The following COL24A1 variants were observed in gnomAD, a reference collection of about 807,000 sequenced individuals.
The protein encoded by COL24A1 is collagen type XXIV alpha 1 chain, also known as collagen alpha-1(XXIV) chain.
COL24A1 carries 224 observed loss-of-function variants against 253.9 expected under a neutral mutation model. That is an observed-to-expected ratio of 0.88 (90% CI 0.79 to 0.99). The LOEUF is 0.99. Ranked by LOEUF, COL24A1 falls within the 50% of genes least tolerant of loss-of-function variation. The pLI, the probability that COL24A1 is intolerant of heterozygous loss-of-function variation, is 0.00. For missense variants in COL24A1, 2,131 were observed against 2,068.5 expected, an observed-to-expected ratio of 1.03 and a Z score of -0.59; for synonymous variants, 685 against 673.7, an observed-to-expected ratio of 1.02 and a Z score of -0.26.
At chr1:86,094,405 T>C (rs1392810223) in intron 5 of COL24A1, among the ~76,000 whole-genome samples, 2 of 151,808 alleles carry the variant, frequency 1.3e-5, no homozygotes, top group Non-Finnish European at 2.9e-5. Flanking sequence ...GAAAACCAAA[T>C]ACCACATATT....
intron 18 of COL24A1, among the ~76,000 whole-genome samples, chr1:86,020,444 A>G (rs1054584217): frequency 1.3e-5 from 2 of 152,164 alleles, no homozygotes; most frequent in Admixed American, 6.5e-5. Flanking sequence ...GTTAAGTGCC[A>G]GAGCTGGGAC....
intron 6 of COL24A1, 122 bp downstream of exon 6, chr1:86,092,145 A>G (rs1049393855): frequency 3.5e-5 from 25 of 705,628 alleles, no homozygotes; most frequent in Non-Finnish European, 5.7e-5. Context: ...TTAAAATCCA[A>G]CAATTAATTC....
chr1:86,016,258 T>C (rs1240749975), intron 19 of COL24A1, among the ~76,000 whole-genome samples: 1 of 152,134 alleles, frequency 6.6e-6, no homozygotes, highest in East Asian at 1.9e-4. Context: ...CAGCCAACCT[T>C]GAAGGACAGC....
intron 32 of COL24A1, among the ~76,000 whole-genome samples, chr1:85,880,251 C>T (rs536576316): frequency 1.3e-5 from 2 of 152,084 alleles, no homozygotes; most frequent in African/African-American, 2.4e-5. Flanking sequence ...ACAACTATTT[C>T]TTTCTCTCTT....
At chr1:86,046,302 T>C (rs1268992105) in intron 12 of COL24A1, among the ~76,000 whole-genome samples, 1 of 152,166 alleles carries the variant, frequency 6.6e-6, no homozygotes, top group Non-Finnish European at 1.5e-5. Context: ...TGTTAAGCAA[T>C]GGGGTACTGG....
chr1:86,058,755 T>C (rs1700847194), intron 9 of COL24A1, among the ~76,000 whole-genome samples: 1 of 152,086 alleles, frequency 6.6e-6, no homozygotes, highest in Non-Finnish European at 1.5e-5. Flanking sequence ...ATAACTGTGT[T>C]ATTAAAAAAT....
intron 3 of COL24A1, 66 bp downstream of exon 3, chr1:86,124,779 G>C (rs936994858): frequency 8.2e-7 from 1 of 1,214,070 alleles, no homozygotes; most frequent in Non-Finnish European, 1.1e-6. Context: ...TCTTTAAAAT[G>C]TATTTTAAAG....
intron 47 of COL24A1, among the ~76,000 whole-genome samples, chr1:85,814,835 C>G (rs1040511313): frequency 6.6e-6 from 1 of 152,148 alleles, no homozygotes; most frequent in East Asian, 1.9e-4. Flanking sequence ...ATCTCATAAG[C>G]TGAACATCTG....
In COL24A1 at chr1:85,868,772, T is replaced by C. The variant is rs770127125; in HGVS notation, c.3192+10A>G. 2.6e-5 allele frequency: 40 copies of C among 1,531,524 alleles called. No homozygotes were observed. In the African/African-American group the frequency reaches 4.9e-4, roughly 19 times the overall value. The allele number at this position is 1,531,524 out of a possible 1,614,324, so 94.9% of individuals were successfully genotyped here. A position where few individuals can be genotyped will look rare whatever the true frequency, so the allele number is the denominator to read the frequency against. Reference sequence around the variant, plus strand: ...TCTATTTTATATATAATCTTAAAAGTATAATTTACCTTTAACCCATCTTTT... The same window carrying C: ...TCTATTTTATATATAATCTTAAAAGCATAATTTACCTTTAACCCATCTTTT... On this transcript the variant is annotated intron_variant, in intron 36 of 59. Coordinates refer to ENST00000370571, the MANE Select transcript of COL24A1 (RefSeq NM_152890.7).
At chr1:86,108,072 T>C (rs1219662989) in intron 5 of COL24A1, among the ~76,000 whole-genome samples, 2 of 152,168 alleles carry the variant, frequency 1.3e-5, no homozygotes, top group African/African-American at 4.8e-5. Flanking sequence ...CTAAATATAA[T>C]GTTAAAGAAG....
chr1:85,894,435 T>C (rs1227215999), intron 31 of COL24A1, among the ~76,000 whole-genome samples: 2 of 152,224 alleles, frequency 1.3e-5, no homozygotes, highest in African/African-American at 2.4e-5. Flanking sequence ...GGGCTGAAAA[T>C]GAAGGTAAAA....
chr1:85,782,003 A>G lies in COL24A1; in HGVS notation c.4285-730T>C, dbSNP rs376756362. ...TTCAGAAATCATGAAAATAACTAATATATTTATAGCTGAAGAAATATTCAG... is the reference window on the plus strand; with the variant it reads ...TTCAGAAATCATGAAAATAACTAATGTATTTATAGCTGAAGAAATATTCAG... On this transcript the variant is annotated intron_variant, in intron 51 of 59. Coordinates refer to ENST00000370571, the MANE Select transcript of COL24A1 (RefSeq NM_152890.7). 2.0e-4 allele frequency among the ~76,000 whole-genome samples: 30 copies of G among 152,340 alleles called. No homozygotes were observed. In the East Asian group the frequency reaches 2.1e-3, roughly 11 times the overall value.
At chr1:85,795,645 A>T (rs1230635540) in intron 47 of COL24A1, among the ~76,000 whole-genome samples, 3 of 152,118 alleles carry the variant, frequency 2.0e-5, no homozygotes, top group Admixed American at 1.3e-4. Flanking sequence ...TTCTAAAAAA[A>T]GTTTTTTCCT....
intron 47 of COL24A1, among the ~76,000 whole-genome samples, chr1:85,799,112 C>T (rs923094627): frequency 1.3e-5 from 2 of 151,784 alleles, no homozygotes; most frequent in African/African-American, 4.8e-5. Context: ...AACGGTGAGC[C>T]TCCCCTGTAC....
chr1:85,833,160 C>T (rs1436256802), intron 43 of COL24A1, among the ~76,000 whole-genome samples: 2 of 151,968 alleles, frequency 1.3e-5, no homozygotes, highest in South Asian at 2.1e-4. Context: ...TTGTCAAAGG[C>T]CTTTTCTCAG....
At chr1:85,838,070 A>T (rs1291449551) in intron 43 of COL24A1, among the ~76,000 whole-genome samples, 1 of 152,016 alleles carries the variant, frequency 6.6e-6, no homozygotes, top group Admixed American at 6.5e-5. Context: ...AGCCTTGAGA[A>T]TATAAAGGTA....
chr1:85,890,374 G>A (rs1459002187), intron 31 of COL24A1, among the ~76,000 whole-genome samples: 6 of 150,774 alleles, frequency 4.0e-5, no homozygotes, highest in Admixed American at 6.6e-5. Context: ...AATGCACAAG[G>A]GTTCTAATTC....
intron 32 of COL24A1, 44 bp from the exon 33 acceptor site, chr1:85,877,219 C>T (rs746820538): frequency 7.2e-7 from 1 of 1,392,896 alleles, no homozygotes; most frequent in Admixed American, 2.1e-5. Flanking sequence ...AAAGTTTACT[C>T]TATGTCAGTA....
At chr1:85,790,506 G>T (rs78730367) in intron 47 of COL24A1, among the ~76,000 whole-genome samples, 1 of 150,408 alleles carries the variant, frequency 6.6e-6, no homozygotes. Flanking sequence ...ACCAACTCCT[G>T]GATTCGTTGA....
Sources: gnomAD v4.1 joint callset for allele counts (sites outside exome capture counted in the v4.1 genomes callset) on GRCh38, gnomAD v4.1.1 for gene constraint, MANE v1.5 for transcripts, NCBI Gene and HGNC (gene_info 2026-07-23, HGNC 2026-07-21) for gene names.